SIK3: variants seen among roughly 807,000 people sequenced by gnomAD.
SIK3 encodes the protein SIK family kinase 3.
SIK3 carries 28 observed loss-of-function variants against 144.2 expected under a neutral mutation model. The ratio of observed to expected loss-of-function variants is 0.19; its 90% CI spans 0.14 to 0.27. The LOEUF is 0.27. SIK3 is among the 10% of genes least tolerant of loss of function. The pLI is 1.00. For synonymous variants in SIK3, 686 were observed against 676.3 expected (o/e 1.01, Z -0.22); for missense variants, 1,319 against 1,776.0 (o/e 0.74, Z 4.62).
chr11:117,056,536 G>GATAGATATAGATATAGAT (rs56258473), intron 1 of SIK3, among the ~76,000 whole-genome samples: 63 of 138,528 alleles, frequency 4.5e-4, no homozygotes, highest in Middle Eastern at 3.7e-3. Context: ...AAAATATATA[G>GATAGATATAGATATAGAT]ATAGATATAG....
Position 116,858,424 on chromosome 11 carries a change from G to C in SIK3, c.3041C>G (p.Pro1014Arg). 6.2e-7 allele frequency: 1 copy of C among 1,610,960 alleles called. No individual in the cohort carries two copies. ...PPDYTRHQQV[P>R]HILQGLLSPR... is the part of the protein sequence containing the mutation. ...AGAAAGCAGTCCTTGAAGGATGTGGGGTACCTGCTGGTGTCTTGTATAGTC... is the reference window on the plus strand; with the variant it reads ...AGAAAGCAGTCCTTGAAGGATGTGGCGTACCTGCTGGTGTCTTGTATAGTC... The change falls in exon 21 of 25, where the codon CCC (proline) becomes CGC (arginine). Residue 1014 changes from proline (P) to arginine (R), a missense_variant. Pro to Arg is a moderately radical substitution (Grantham distance 103, BLOSUM62 -2). Coordinates refer to ENST00000445177, the MANE Select transcript of SIK3 (RefSeq NM_001366686.3). This position sits in a 1 kb window ranked among gnomAD's most constrained non-coding sequence, Gnocchi z 5.4.
intron 4 of SIK3, among the ~76,000 whole-genome samples, chr11:116,909,604 G>A (rs186984847): frequency 9.9e-5 from 15 of 152,278 alleles, no homozygotes; most frequent in South Asian, 6.2e-4. Flanking sequence ...CTCCTCCACT[G>A]CTATTTCTCG....
Position 116,849,164 on chromosome 11 carries a change from C to T in SIK3, c.3775G>A (p.Ala1259Thr), listed in dbSNP as rs765145041. 3.1e-6 allele frequency: 5 copies of T among 1,612,864 alleles called. No individual in the cohort carries two copies. Among genetic ancestry groups the T allele is most frequent in the South Asian group, 2.2e-5 (2 of 90,998 alleles). The stretch of plus-strand genomic sequence containing the variant: ...TGGATCGTGTGGTGTCTCTGGAGGG[C>T]CCGGGGCCTGTGGTGCTCATGGACG... ...PSVHEHHRPR[A>T]LQRHHTIQNS... The change falls in exon 22 of 25, where the codon GCC becomes ACC. Residue 1259 changes from alanine (A) to threonine (T), a missense_variant. This residue lies in a region of SIK3 where 646 missense variants were observed against 763.7 expected (regional missense o/e 0.85). Coordinates refer to ENST00000445177, the MANE Select transcript of SIK3 (RefSeq NM_001366686.3). The surrounding 1 kb of genome is among the most constrained non-coding windows in gnomAD (Gnocchi z 4.2).
chr11:116,923,059 G>A (rs561122934), intron 4 of SIK3, among the ~76,000 whole-genome samples: 1 of 151,966 alleles, frequency 6.6e-6, no homozygotes, highest in South Asian at 2.1e-4. Flanking sequence ...TGGGATTACA[G>A]GCACCCGCCA....
intron 1 of SIK3, among the ~76,000 whole-genome samples, chr11:117,019,206 G>C (rs557294224): frequency 6.3e-4 from 95 of 151,702 alleles, no homozygotes; most frequent in African/African-American, 2.1e-3. Context: ...TTTTAGTGGA[G>C]ACAAGGTTTC....
chr11:116,900,674 T>G (rs1945685085), intron 4 of SIK3, among the ~76,000 whole-genome samples: 1 of 152,148 alleles, frequency 6.6e-6, no homozygotes, highest in South Asian at 2.1e-4. Flanking sequence ...GCCTTTTCCT[T>G]TCTTTTCCAT....
rs57306296 is a variant in SIK3 at position 116,990,658 on chromosome 11, G to A, written c.274-33594C>T. Among the ~76,000 whole-genome samples, 1,166 of 152,210 alleles carry A rather than the reference G, an allele frequency of 7.7e-3. 14 individuals are homozygous for A. The highest frequency in any genetic ancestry group is 0.024 in the African/African-American group (998 of 41,520). Reference sequence around the variant, plus strand: ...TTCCACATTCGTACCTCCAGGCTTCGTATTTCCAACAGCCACCTCCACAGT... The same window carrying A: ...TTCCACATTCGTACCTCCAGGCTTCATATTTCCAACAGCCACCTCCACAGT... On this transcript the variant is annotated intron_variant, in intron 1 of 24. Transcript: ENST00000445177.
chr11:117,051,309 C>T (rs1953229480), intron 1 of SIK3, among the ~76,000 whole-genome samples: 1 of 152,074 alleles, frequency 6.6e-6, no homozygotes, highest in Non-Finnish European at 1.5e-5. Flanking sequence ...ACCTCAGACT[C>T]CAACTTAATT....
At chr11:116,957,739 G>A (rs1216531564) in intron 1 of SIK3, among the ~76,000 whole-genome samples, 3 of 152,172 alleles carry the variant, frequency 2.0e-5, no homozygotes, top group Non-Finnish European at 4.4e-5. Flanking sequence ...GGCACACAGA[G>A]ATTAAGTAAT....
At chr11:117,069,433 G>A (rs533852009) in intron 1 of SIK3, among the ~76,000 whole-genome samples, 51 of 151,982 alleles carry the variant, frequency 3.4e-4, no homozygotes, top group Non-Finnish European at 6.8e-4. Context: ...TCTGCAATAT[G>A]ACCACCATAC....
intron 1 of SIK3, among the ~76,000 whole-genome samples, chr11:117,095,509 A>G (rs1235756753): frequency 6.6e-6 from 1 of 152,216 alleles, no homozygotes; most frequent in Non-Finnish European, 1.5e-5. Context: ...AATCAACCTG[A>G]GTTAACTGAA....
chr11:117,052,149 GAA>G (rs896401574), intron 1 of SIK3, among the ~76,000 whole-genome samples: 1 of 151,746 alleles, frequency 6.6e-6, no homozygotes, highest in African/African-American at 2.4e-5. Context: ...AAAAAAAAGA[GAA>G]AAAAAGAAAG....
intron 1 of SIK3, among the ~76,000 whole-genome samples, chr11:116,960,074 C>T (rs1949284935): frequency 6.6e-6 from 1 of 152,122 alleles, no homozygotes; most frequent in Admixed American, 6.6e-5. Flanking sequence ...TACATACATA[C>T]ATGAATTTTA....
intron 3 of SIK3, among the ~76,000 whole-genome samples, chr11:116,952,346 G>A (rs11605327): frequency 0.29 from 43,810 of 152,094 alleles, 7,944 homozygotes; most frequent in Non-Finnish European, 0.41. Flanking sequence ...AGGCTGCAGT[G>A]AGCTAGGATT....
chr11:116,847,674 C>A, intron 22 of SIK3, 66 bp from the exon 23 acceptor site: 1 of 1,600,616 alleles, frequency 6.2e-7, no homozygotes, highest in Non-Finnish European at 8.5e-7. Context: ...CCCCTAGAGA[C>A]AGCTGGTCCT....
At chr11:116,851,276 G>A (rs1172570727) in intron 21 of SIK3, among the ~76,000 whole-genome samples, 2 of 152,100 alleles carry the variant, frequency 1.3e-5, no homozygotes, top group Non-Finnish European at 1.5e-5. Flanking sequence ...AAACTACTGA[G>A]CTTATCTTGG....
chr11:116,854,282 A>C (rs1037484369), intron 21 of SIK3, among the ~76,000 whole-genome samples: 1 of 152,190 alleles, frequency 6.6e-6, no homozygotes, highest in Non-Finnish European at 1.5e-5. Context: ...GGACTGCTTG[A>C]GCCCAGGAGG....
intron 4 of SIK3, among the ~76,000 whole-genome samples, chr11:116,901,158 C>T (rs1945719412): frequency 6.6e-6 from 1 of 152,234 alleles, no homozygotes. Context: ...AGCCACTGCG[C>T]CCAGCCTCTG....
chr11:116,858,838 G>T lies in SIK3; in HGVS notation c.2766-139C>A. The T allele has an allele frequency of 7.7e-7, 1 of 1,294,022 alleles. No individual in the cohort carries two copies. The highest frequency in any genetic ancestry group is 1.0e-6 in the Non-Finnish European group (1 of 968,416). 80.2% of individuals were successfully genotyped at this position (1,294,022 alleles called of 1,614,324 possible). On this transcript the variant is annotated intron_variant, in intron 20 of 24. Transcript: ENST00000445177. The surrounding 1 kb of genome is among the most constrained non-coding windows in gnomAD (Gnocchi z 5.4). ...CAGAGAAGTGGCAGATGTATGCATT[G>T]TCCCTATTTATTCCATTACTGGCTT...
Sources: gnomAD v4.1 joint callset for allele counts (sites outside exome capture counted in the v4.1 genomes callset) on GRCh38, gnomAD v4.1.1 for gene constraint, gnomAD v4.1.1 regional missense constraint, Gnocchi (gnomAD v3.1) non-coding constraint, MANE v1.5 for transcripts, NCBI Gene and HGNC (gene_info 2026-07-23, HGNC 2026-07-21) for gene names.